The following NTRK2 variants were observed in gnomAD, a reference collection of about 807,000 sequenced individuals.
The protein encoded by NTRK2 is neurotrophic receptor tyrosine kinase 2, also known as BDNF/NT-3 growth factors receptor.
In NTRK2, 13 loss-of-function variants were observed where a neutral mutation model predicts 94.5. The observed-to-expected ratio is 0.14, with a 90% CI of 0.09 to 0.22. The LOEUF (loss-of-function observed/expected upper bound fraction) is 0.22, where lower values mean the gene tolerates loss of function less well. NTRK2 is among the 10% of genes least tolerant of loss of function. The pLI is 1.00. For missense variants in NTRK2, 639 were observed against 1,071.2 expected (o/e 0.60, Z 5.63); for synonymous variants, 372 against 407.4 (o/e 0.91, Z 1.05).
chr9:84,911,326 C>T (rs763592117), intron 14 of NTRK2, among the ~76,000 whole-genome samples: 28 of 152,224 alleles, frequency 1.8e-4, no homozygotes, highest in Middle Eastern at 3.4e-3. Flanking sequence ...CTCTCCACTT[C>T]TGCTTCCTGG....
intron 12 of NTRK2, among the ~76,000 whole-genome samples, chr9:84,810,229 AAGCTGCTAAC>A (rs767189403): frequency 2.1e-4 from 32 of 152,234 alleles, no homozygotes; most frequent in Non-Finnish European, 3.5e-4. Flanking sequence ...TCCTTAAAGT[AAGCTGCTAAC>A]AGCTGACACA....
intron 17 of NTRK2, among the ~76,000 whole-genome samples, chr9:84,978,852 T>TA (rs1285700260): frequency 1.3e-5 from 2 of 152,348 alleles, no homozygotes; most frequent in East Asian, 3.9e-4. Context: ...CTAGGGCCTT[T>TA]AAGCATTATG....
intron 12 of NTRK2, among the ~76,000 whole-genome samples, chr9:84,807,820 C>G (rs549975245): frequency 1.3e-5 from 2 of 152,288 alleles, no homozygotes; most frequent in Admixed American, 6.5e-5. Flanking sequence ...CTATCAGTCT[C>G]TCTTGAAATC....
chr9:84,870,331 G>GTGTGTGTATATATATA (rs1349303529), intron 14 of NTRK2, among the ~76,000 whole-genome samples: 385 of 31,132 alleles, frequency 0.012, 17 homozygotes, highest in Admixed American at 0.021. Context: ...GTGTGTGTGT[G>GTGTGTGTATATATATA]TATATATATA....
intron 15 of NTRK2, 65 bp downstream of exon 15, chr9:84,934,357 A>C: frequency 6.4e-7 from 1 of 1,571,956 alleles, no homozygotes; most frequent in Non-Finnish European, 8.7e-7. Flanking sequence ...ATTTAACTCT[A>C]TTTTATTATA....
rs563846432 is a variant in NTRK2 at position 84,773,074 on chromosome 9, CT to C, written c.1396+20998del. The stretch of plus-strand genomic sequence containing the variant: ...ATAGATTTCTTAGCTCCTGCCAAGC[CT>C]TTTTTTTTACTTTCTTAATTTGGTA... On this transcript the variant is annotated intron_variant, in intron 12 of 18. Coordinates refer to ENST00000277120, the MANE Select transcript of NTRK2 (RefSeq NM_006180.6). Among the ~76,000 whole-genome samples the C allele has an allele frequency of 9.9e-5, 15 of 151,424 alleles. No individual in the cohort carries two copies. The East Asian group carries it at 2.3e-3, about 23-fold the overall frequency.
intron 17 of NTRK2, among the ~76,000 whole-genome samples, chr9:84,969,185 C>A (rs542096536): frequency 6.6e-6 from 1 of 152,016 alleles, no homozygotes; most frequent in African/African-American, 2.4e-5. Flanking sequence ...TCCGTGCTAT[C>A]CCTAAAGGCA....
At chr9:84,857,719 A>C (rs2131957653) in intron 12 of NTRK2, among the ~76,000 whole-genome samples, 1 of 152,326 alleles carries the variant, frequency 6.6e-6, no homozygotes, top group Non-Finnish European at 1.5e-5. Flanking sequence ...TTTTGTCAAA[A>C]GTTGGCCTCA....
chr9:84,874,984 A>C (rs199555114), intron 14 of NTRK2: 14 of 1,055,102 alleles, frequency 1.3e-5, no homozygotes, highest in Non-Finnish European at 1.6e-5. Context: ...TTTTAAAATA[A>C]GAATAAATAA....
At chr9:84,892,872 A>C (rs1364780367) in intron 14 of NTRK2, among the ~76,000 whole-genome samples, 1 of 152,070 alleles carries the variant, frequency 6.6e-6, no homozygotes, top group Non-Finnish European at 1.5e-5. Flanking sequence ...CAGTGAGCAG[A>C]GATTGCACTA....
chr9:84,931,991 GT>G (rs2078053532), intron 14 of NTRK2, among the ~76,000 whole-genome samples: 1 of 152,066 alleles, frequency 6.6e-6, no homozygotes, highest in South Asian at 2.1e-4. Context: ...CATCAATATT[GT>G]TGCTCATAAA....
chr9:85,009,361 C>T (rs1436569634), intron 17 of NTRK2, among the ~76,000 whole-genome samples: 1 of 152,174 alleles, frequency 6.6e-6, no homozygotes, highest in Non-Finnish European at 1.5e-5. Context: ...CTTCTTTCTG[C>T]AGTATTGGGA....
intron 17 of NTRK2, among the ~76,000 whole-genome samples, chr9:85,008,652 T>A (rs1284665497): frequency 6.6e-6 from 1 of 152,188 alleles, no homozygotes; most frequent in African/African-American, 2.4e-5. Flanking sequence ...AGGGAGGTGA[T>A]GTCTTGCCCA....
chr9:84,686,214 G>A (rs2059704461), intron 2 of NTRK2, among the ~76,000 whole-genome samples: 1 of 152,224 alleles, frequency 6.6e-6, no homozygotes, highest in South Asian at 2.1e-4. Flanking sequence ...CACAGCAAGA[G>A]ATTGATTAAT....
At chr9:84,859,046 C>T (rs1043999255) in intron 12 of NTRK2, among the ~76,000 whole-genome samples, 5 of 152,130 alleles carry the variant, frequency 3.3e-5, no homozygotes, top group African/African-American at 1.2e-4. Context: ...GGAAGAAGTG[C>T]CCGGTGGGTA....
chr9:84,868,161 G>T (rs1178935098), intron 14 of NTRK2, among the ~76,000 whole-genome samples: 1 of 152,158 alleles, frequency 6.6e-6, no homozygotes, highest in East Asian at 1.9e-4. Context: ...CAGGCTTATG[G>T]CATTGCTTCC....
At position 84,827,818 on chromosome 9, in the gene NTRK2, C is replaced by T. The variant is rs114352579; in HGVS notation, c.1397-33222C>T. ...CCTCTGCGTTTTCAGCTGAGCTAAC[C>T]TCAGTCTATCAGTTTCTCCCTTGCA... On this transcript the variant is annotated intron_variant, in intron 12 of 18. Transcript: ENST00000277120. Among the ~76,000 whole-genome samples the T allele has an allele frequency of 3.9e-3, 594 of 152,300 alleles. 3 individuals carry two copies. Among genetic ancestry groups the T allele is most frequent in the African/African-American group, 0.013 (544 of 41,564 alleles).
In NTRK2 at chr9:84,867,263, A is replaced by C. The variant is rs1433723325; in HGVS notation, c.1465A>C (p.Asn489His). 1 of 1,614,060 alleles carries C rather than the reference A, an allele frequency of 6.2e-7. No homozygotes were observed. The highest frequency in any genetic ancestry group is 1.1e-5 in the South Asian group (1 of 91,078). The part of the protein sequence containing the change: ...QGVGPASVIS[N>H]DDDSASPLHH... The stretch of plus-strand genomic sequence containing the variant: ...TCCAGGCCCAGCCTCCGTTATCAGC[A>C]ATGATGATGACTCTGCCAGCCCACT... The change falls in exon 14 of 19, where the codon AAT (asparagine) becomes CAT (histidine). Residue 489 changes from asparagine (N) to histidine (H), a missense_variant. Asn to His is a moderately conservative substitution (Grantham distance 68). Around this residue, in one of 5 missense-constraint regions of NTRK2, gnomAD observed 343 missense variants for 571.5 expected, o/e 0.60. Coordinates refer to ENST00000277120, the MANE Select transcript of NTRK2 (RefSeq NM_006180.6).
rs1318080544 is a variant in NTRK2 at position 84,955,251 on chromosome 9, C to A, written c.1938-32C>A. The A allele has an allele frequency of 5.2e-6, 8 of 1,546,728 alleles. No homozygotes were observed. In the Admixed American group the frequency reaches 7.5e-5, roughly 14 times the overall value. On this transcript the variant is annotated intron_variant, in intron 16 of 18. Coordinates refer to ENST00000277120, the MANE Select transcript of NTRK2 (RefSeq NM_006180.6). ...GGCCCCTGGAGTGAAAATGCTGAGGCCCCCAGCTTCATTCTCCATGTCCTT... is the reference window on the plus strand; with the variant it reads ...GGCCCCTGGAGTGAAAATGCTGAGGACCCCAGCTTCATTCTCCATGTCCTT...
Sources: gnomAD v4.1 joint callset for allele counts (sites outside exome capture counted in the v4.1 genomes callset) on GRCh38, gnomAD v4.1.1 for gene constraint, gnomAD v4.1.1 regional missense constraint, MANE v1.5 for transcripts, NCBI Gene and HGNC (gene_info 2026-07-23, HGNC 2026-07-21) for gene names.